KHDC4: variants seen among roughly 807,000 people sequenced by gnomAD.
KHDC4 encodes KH homology domain-containing protein 4.
In KHDC4, 19 loss-of-function variants were observed where a neutral mutation model predicts 74.5. That is an observed-to-expected ratio of 0.26 (90% confidence interval 0.18 to 0.37). The LOEUF (loss-of-function observed/expected upper bound fraction) is 0.37, where lower values mean the gene tolerates loss of function less well. Ranked by LOEUF, KHDC4 falls within the 10% of genes least tolerant of loss-of-function variation. The pLI is 1.00. For missense variants in KHDC4, 632 were observed against 754.1 expected (o/e 0.84, Z 1.90); for synonymous variants, 253 against 266.1 (o/e 0.95, Z 0.48).
At position 155,919,593 on chromosome 1, in the gene KHDC4, G is replaced by A. The variant is rs558991471; in HGVS notation, c.1266+1782C>T. Reference sequence around the variant, plus strand: ...TGGGAGTCTGAGGTGGGCGGATCACGAGGTTAGGAGATCAAGACCATCCTG... The same window carrying A: ...TGGGAGTCTGAGGTGGGCGGATCACAAGGTTAGGAGATCAAGACCATCCTG... On this transcript the variant is annotated intron_variant, in intron 10 of 13. Transcript: ENST00000368321. Among the ~76,000 whole-genome samples, 10 of 152,050 alleles carry A rather than the reference G, an allele frequency of 6.6e-5. No individual in the cohort carries two copies. The South Asian group carries it at 8.3e-4, about 13-fold the overall frequency.
intron 10 of KHDC4, chr1:155,920,091 C>A: frequency 5.1e-6 from 2 of 389,372 alleles, no homozygotes; most frequent in East Asian, 7.8e-5. Context: ...ATATATAATC[C>A]ATCCAGATTA....
chr1:155,929,714 C>T lies in KHDC4; in HGVS notation c.382G>A (p.Glu128Lys). Residue 128 changes from glutamate (E) to lysine (K), a missense_variant and splice_region_variant, in exon 3 of 14, where the codon GAG becomes AAG. Transcript: ENST00000368321. ...NLLTRGQTQD[E>K]ISRLSGAAVS... Reference sequence around the variant, plus strand: ...AAAGAGTCTCAATGCCTCCTCACCTCGTCTTGAGTCTGTCCTCGAGTCAGC... The same window carrying T: ...AAAGAGTCTCAATGCCTCCTCACCTTGTCTTGAGTCTGTCCTCGAGTCAGC... 1 of 1,608,744 alleles carries T rather than the reference C, an allele frequency of 6.2e-7. No individual in the cohort carries two copies. Among genetic ancestry groups the T allele is most frequent in the Non-Finnish European group, 8.5e-7 (1 of 1,178,432 alleles).
In KHDC4 at chr1:155,917,610, G is replaced by GGGCTGT; in HGVS notation, c.1328_1329insACAGCC (p.Gln450_Pro451dup). 1 of 1,601,684 alleles carries GGGCTGT rather than the reference G, an allele frequency of 6.2e-7. No homozygotes were observed. Among genetic ancestry groups the GGGCTGT allele is most frequent in the East Asian group, 2.2e-5 (1 of 44,600 alleles). ...GGGGCTGGGGCTGGGGCTGGGGCTG[G>GGGCTGT]GGGCCAGCAGGCAAGGCAGTTTTGA... On this transcript the variant is annotated inframe_insertion, in exon 11 of 14. Transcript: ENST00000368321.
chr1:155,926,852 C>T lies in KHDC4; in HGVS notation c.518-13G>A. ...CGGTTTACAGCTCCTTAGAAAAACACAGACAGTAAAACTGAATGGAATGAA... is the reference window on the plus strand; with the variant it reads ...CGGTTTACAGCTCCTTAGAAAAACATAGACAGTAAAACTGAATGGAATGAA... On this transcript the variant is annotated splice_polypyrimidine_tract_variant and intron_variant, in intron 5 of 13. Transcript: ENST00000368321. The T allele has an allele frequency of 1.2e-6, 2 of 1,613,968 alleles. No homozygotes were observed. Among genetic ancestry groups the T allele is most frequent in the Non-Finnish European group, 1.7e-6 (2 of 1,179,890 alleles).
In KHDC4 at chr1:155,925,029, A is replaced by ATT. The variant is rs34219961; in HGVS notation, c.893+601_893+602dup. ...AGGTGTACACCATAACACCTGGCTA[A>ATT]TTTTTTTTTTTTTTTGAGATGGAGT... On this transcript the variant is annotated intron_variant, in intron 7 of 13. Transcript: ENST00000368321. 1.9e-3 allele frequency among the ~76,000 whole-genome samples: 257 copies of ATT among 137,962 alleles called. 1 individual carries two copies. Among genetic ancestry groups the ATT allele is most frequent in the Middle Eastern group, 3.6e-3 (1 of 280 alleles). The allele number at this position is 137,962 out of a possible 152,430, so 90.5% of individuals were successfully genotyped here.
chr1:155,916,804 T>A, intron 11 of KHDC4, 67 bp from the exon 12 acceptor site: 1 of 1,031,612 alleles, frequency 9.7e-7, no homozygotes, highest in African/African-American at 1.6e-5. Context: ...AGCTCCTTAA[T>A]GTAACTGTCA....
chr1:155,932,562 A>G (rs1484853828), intron 2 of KHDC4: 1 of 152,218 alleles, frequency 6.6e-6, no homozygotes, highest in East Asian at 1.9e-4. Flanking sequence ...AACGATTAAC[A>G]TCAGTATTAA....
chr1:155,920,945 G>A (rs1673849491), intron 10 of KHDC4, among the ~76,000 whole-genome samples: 1 of 152,184 alleles, frequency 6.6e-6, no homozygotes. Context: ...GGCAAACTAT[G>A]ACTGTGGCCT....
At chr1:155,932,679 G>A (rs528069051) in intron 2 of KHDC4, 1 of 152,194 alleles carries the variant, frequency 6.6e-6, no homozygotes, top group African/African-American at 2.4e-5. Flanking sequence ...GCAAACAATA[G>A]GCTGCGCCTG....
chr1:155,921,972 C>A, intron 8 of KHDC4, 54 bp from the exon 9 acceptor site: 1 of 1,124,276 alleles, frequency 8.9e-7, no homozygotes, highest in South Asian at 1.3e-5. Flanking sequence ...TGTGCATTTA[C>A]AAGGGTCTGA....
At chr1:155,914,387 C>T (rs918234185) in intron 13 of KHDC4, 67 bp from the exon 14 acceptor site, 24 of 1,270,032 alleles carry the variant, frequency 1.9e-5, no homozygotes, top group South Asian at 6.6e-5. Flanking sequence ...ACCATAAATT[C>T]GTTAATTAAA....
chr1:155,925,864 T>C (rs777289424), intron 6 of KHDC4, 21 bp from the exon 7 acceptor site: 2 of 1,524,484 alleles, frequency 1.3e-6, no homozygotes, highest in South Asian at 1.1e-5. Context: ...AACAGAATAC[T>C]TCAGATTAAA....
intron 2 of KHDC4, among the ~76,000 whole-genome samples, chr1:155,933,052 A>C (rs780406692): frequency 3.5e-4 from 54 of 152,334 alleles, no homozygotes; most frequent in Middle Eastern, 3.4e-3. Context: ...ATATATTAAA[A>C]ACATGTTATG....
rs1485138824 is a variant in KHDC4, at chr1:155,923,647, A to C, written c.934T>G (p.Cys312Gly). ...PEGLAAAKKL[C>G]ENLLQTVHAE... ...CTCACTGTTTGCAAAAGATTCTCAC[A>C]AAGCTTCTTGGCAGCAGCCAGGCCT... Residue 312 changes from cysteine (C) to glycine (G), a missense_variant, in exon 8 of 14, where the codon TGT becomes GGT. Transcript: ENST00000368321. The C allele has an allele frequency of 2.5e-6, 4 of 1,613,786 alleles. No individual in the cohort carries two copies. Among genetic ancestry groups the C allele is most frequent in the Non-Finnish European group, 3.4e-6 (4 of 1,179,752 alleles).
chr1:155,919,126 C>A (rs1428961227), intron 10 of KHDC4, among the ~76,000 whole-genome samples: 1 of 151,954 alleles, frequency 6.6e-6, no homozygotes, highest in Non-Finnish European at 1.5e-5. Flanking sequence ...TGCCACCGCG[C>A]CCAGCTAATT....
Position 155,926,811 on chromosome 1 carries a change from G to A in KHDC4, c.546C>T (p.Ile182=). 6.2e-7 allele frequency: 1 copy of A among 1,614,164 alleles called. No homozygotes were observed. Among genetic ancestry groups the A allele is most frequent in the Non-Finnish European group, 8.5e-7 (1 of 1,180,028 alleles). The change falls in exon 6 of 14, where the codon ATC becomes ATT. Residue 182 remains isoleucine, a synonymous_variant. Transcript: ENST00000368321. ...TGGCAGCTTTTACCACTCCATTGGT[G>A]ATAATTTCTTTGATCCGGTTTACAG... is the stretch of plus-strand genomic sequence containing the variant. ...DRAVNRIKEI[I]TNGVVKAATG... is the part of the protein sequence containing the mutation.
intron 10 of KHDC4, 58 bp downstream of exon 10, chr1:155,921,317 T>G (rs887007384): frequency 1.1e-4 from 178 of 1,581,024 alleles, no homozygotes; most frequent in Non-Finnish European, 1.3e-4. Context: ...CTACTTCCCC[T>G]CTTTCCCCAG....
chr1:155,930,478 A>G (rs957540199), intron 2 of KHDC4, among the ~76,000 whole-genome samples: 1 of 152,186 alleles, frequency 6.6e-6, no homozygotes, highest in Non-Finnish European at 1.5e-5. Flanking sequence ...AGGGACTAGA[A>G]GCTACAACCT....
Position 155,929,754 on chromosome 1 carries a change from G to C in KHDC4, c.342C>G (p.Leu114=). 1 of 1,612,806 alleles carries C rather than the reference G, an allele frequency of 6.2e-7. No individual in the cohort carries two copies. The highest frequency in any genetic ancestry group is 8.5e-7 in the Non-Finnish European group (1 of 1,179,554). ...VAEVEINDVP[L]TCRNLLTRGQ... ...CTCGAGTCAGCAAGTTCCTACATGT[G>C]AGAGGCACATCATTAATTTCTACTT... The change falls in exon 3 of 14, where the codon CTC becomes CTG. Residue 114 remains leucine, a synonymous_variant. Coordinates refer to ENST00000368321, the MANE Select transcript of KHDC4 (RefSeq NM_014949.4).
Sources: gnomAD v4.1 joint callset for allele counts (sites outside exome capture counted in the v4.1 genomes callset) on GRCh38, gnomAD v4.1.1 for gene constraint, MANE v1.5 for transcripts, NCBI Gene and HGNC (gene_info 2026-07-23, HGNC 2026-07-21) for gene names.